Variants in NCAM2 observed in about 807,000 individuals in gnomAD.
NCAM2 encodes the protein neural cell adhesion molecule 2.
Under a neutral mutation model 98.1 loss-of-function variants are expected in NCAM2, and 30 were observed. That is an observed-to-expected ratio of 0.31 (90% confidence interval 0.23 to 0.41). The LOEUF (loss-of-function observed/expected upper bound fraction) is 0.41, where lower values mean the gene tolerates loss of function less well. Ranked by LOEUF, NCAM2 falls within the 10% of genes least tolerant of loss-of-function variation. NCAM2 has a pLI of 1.00. For synonymous variants in NCAM2, 368 were observed against 342.4 expected (o/e 1.07, Z -0.83); for missense variants, 867 against 1,005.8 (o/e 0.86, Z 1.87).
intron 1 of NCAM2, among the ~76,000 whole-genome samples, chr21:21,043,667 A>G (rs1424358220): frequency 6.6e-6 from 1 of 151,884 alleles, no homozygotes; most frequent in Non-Finnish European, 1.5e-5. Context: ...CCTGGCTAAC[A>G]CAGTGAAACC....
intron 9 of NCAM2, among the ~76,000 whole-genome samples, chr21:21,390,987 CT>C (rs1312821523): frequency 6.6e-6 from 1 of 152,064 alleles, no homozygotes; most frequent in Admixed American, 6.6e-5. Flanking sequence ...TGTAAGTTGT[CT>C]TAAAGTTATT....
chr21:21,066,855 G>T (rs1384026700), intron 1 of NCAM2, among the ~76,000 whole-genome samples: 1 of 151,974 alleles, frequency 6.6e-6, no homozygotes, highest in African/African-American at 2.4e-5. Context: ...GGAAATAACT[G>T]AATTACTGTG....
At chr21:21,519,812 T>G (rs1422948708) in intron 16 of NCAM2, among the ~76,000 whole-genome samples, 1 of 152,142 alleles carries the variant, frequency 6.6e-6, no homozygotes, top group Admixed American at 6.5e-5. Flanking sequence ...CTGTTCGGAT[T>G]TATACTATCT....
chr21:21,112,324 T>G (rs546861317), intron 1 of NCAM2, among the ~76,000 whole-genome samples: 2 of 152,188 alleles, frequency 1.3e-5, no homozygotes, highest in African/African-American at 2.4e-5. Context: ...TGATTTTCGC[T>G]TAGAGAAATA....
intron 1 of NCAM2, among the ~76,000 whole-genome samples, chr21:21,100,811 G>A (rs928878041): frequency 1.3e-5 from 2 of 151,932 alleles, no homozygotes; most frequent in Admixed American, 6.6e-5. Context: ...AGACCTGTAC[G>A]CATAGACACA....
chr21:21,215,894 A>T (rs1325863911), intron 1 of NCAM2, among the ~76,000 whole-genome samples: 1 of 152,090 alleles, frequency 6.6e-6, no homozygotes, highest in Non-Finnish European at 1.5e-5. Context: ...TTCCACTTGG[A>T]TGGGAAAATA....
At chr21:21,094,248 T>C (rs1177621679) in intron 1 of NCAM2, among the ~76,000 whole-genome samples, 13 of 152,044 alleles carry the variant, frequency 8.6e-5, no homozygotes, top group East Asian at 3.9e-4. Context: ...GTCAGTCTTA[T>C]ATACACAAAT....
At chr21:21,174,144 T>A (rs1168889980) in intron 1 of NCAM2, among the ~76,000 whole-genome samples, 3 of 152,126 alleles carry the variant, frequency 2.0e-5, no homozygotes, top group South Asian at 2.1e-4. Flanking sequence ...GGTCTCGAAC[T>A]ACTAACCTCA....
chr21:21,379,195 C>A (rs1340636682), intron 9 of NCAM2, among the ~76,000 whole-genome samples: 1 of 151,994 alleles, frequency 6.6e-6, no homozygotes, highest in Non-Finnish European at 1.5e-5. Context: ...AGTTGTTGAT[C>A]TTTTCAGAGT....
intron 1 of NCAM2, among the ~76,000 whole-genome samples, chr21:21,083,734 A>G (rs76792811): frequency 6.6e-6 from 1 of 151,974 alleles, no homozygotes; most frequent in African/African-American, 2.4e-5. Flanking sequence ...TTAAAATTCT[A>G]TTTTTTGAGA....
At chr21:21,434,717 C>A (rs1180183594) in intron 12 of NCAM2, among the ~76,000 whole-genome samples, 1 of 152,140 alleles carries the variant, frequency 6.6e-6, no homozygotes, top group Admixed American at 6.5e-5. Flanking sequence ...GTGAGCATCG[C>A]TGCCTTCCAG....
At chr21:21,344,254 C>T (rs7278783) in intron 8 of NCAM2, among the ~76,000 whole-genome samples, 86,146 of 151,924 alleles carry the variant, frequency 0.57, 24,629 homozygotes, top group Admixed American at 0.65. Flanking sequence ...CCAGGTACTA[C>T]GTCAAGGGCT....
At chr21:21,106,199 T>G (rs1166073676) in intron 1 of NCAM2, among the ~76,000 whole-genome samples, 1 of 151,318 alleles carries the variant, frequency 6.6e-6, no homozygotes, top group Non-Finnish European at 1.5e-5. Context: ...TCCCAGCTAC[T>G]CAGGAGGCTG....
intron 12 of NCAM2, among the ~76,000 whole-genome samples, chr21:21,450,247 ATATG>A (rs1358699386): frequency 6.6e-6 from 1 of 151,946 alleles, no homozygotes; most frequent in Non-Finnish European, 1.5e-5. Flanking sequence ...TTATATATGT[ATATG>A]TATGTATGTG....
At chr21:21,265,805 T>C (rs1276718605) in intron 1 of NCAM2, among the ~76,000 whole-genome samples, 2 of 152,022 alleles carry the variant, frequency 1.3e-5, no homozygotes, top group Non-Finnish European at 2.9e-5. Context: ...TGAGTACTAC[T>C]CACTGTGTTC....
intron 1 of NCAM2, among the ~76,000 whole-genome samples, chr21:21,013,247 G>A (rs2064242165): frequency 6.6e-6 from 1 of 152,144 alleles, no homozygotes; most frequent in South Asian, 2.1e-4. Flanking sequence ...CACAATTACT[G>A]AAGGAAATTA....
intron 12 of NCAM2, among the ~76,000 whole-genome samples, chr21:21,452,576 GTATATA>G (rs1569078758): frequency 1.6e-3 from 137 of 83,578 alleles, no homozygotes; most frequent in African/African-American, 5.4e-3. Flanking sequence ...TATATATATT[GTATATA>G]TATTGTATTG....
intron 8 of NCAM2, among the ~76,000 whole-genome samples, chr21:21,343,316 C>T (rs2075095737): frequency 6.7e-6 from 1 of 150,346 alleles, no homozygotes; most frequent in African/African-American, 2.5e-5. Flanking sequence ...AATTGTCTCC[C>T]CAACCCTGCA....
intron 1 of NCAM2, among the ~76,000 whole-genome samples, chr21:21,140,072 G>T (rs993616489): frequency 6.6e-6 from 1 of 152,132 alleles, no homozygotes; most frequent in Non-Finnish European, 1.5e-5. Flanking sequence ...TCTGTTTCAA[G>T]AGTATTTTTT....
Sources: allele counts gnomAD v4.1 joint callset (sites outside exome capture counted in the v4.1 genomes callset), GRCh38; gene constraint gnomAD v4.1.1; transcripts MANE v1.5; gene names NCBI Gene and HGNC (gene_info 2026-07-23, HGNC 2026-07-21).